MPP7: variants seen among roughly 807,000 people sequenced by gnomAD.
The protein encoded by MPP7 is MAGUK p55 subfamily member 7.
In MPP7, 60 loss-of-function variants were observed where a neutral mutation model predicts 76.5. The ratio of observed to expected loss-of-function variants is 0.78; its 90% CI spans 0.64 to 0.97. The LOEUF (loss-of-function observed/expected upper bound fraction) is 0.97. Among genes scored for constraint, MPP7 ranks in the 50% least tolerant of loss-of-function variants. The probability of loss-of-function intolerance (pLI) is 0.00; values close to 1 mark genes in which losing one functional copy is unlikely to be tolerated. For synonymous variants in MPP7, 237 were observed against 244.5 expected (o/e 0.97, Z 0.29); for missense variants, 641 against 694.0 (o/e 0.92, Z 0.86).
chr10:28,271,336 T>A (rs1589012249), intron 1 of MPP7, among the ~76,000 whole-genome samples: 1 of 152,298 alleles, frequency 6.6e-6, no homozygotes, highest in African/African-American at 2.4e-5. Flanking sequence ...TATCACAGGA[T>A]TTTTGGAGTA....
intron 1 of MPP7, among the ~76,000 whole-genome samples, chr10:28,284,465 G>T (rs1840750079): frequency 6.6e-6 from 1 of 152,182 alleles, no homozygotes. Context: ...AGCCAGTGAA[G>T]TCTGCAGCTG....
chr10:28,102,174 G>T (rs926328896), intron 11 of MPP7, among the ~76,000 whole-genome samples: 1 of 151,988 alleles, frequency 6.6e-6, no homozygotes, highest in Non-Finnish European at 1.5e-5. Context: ...AAGAGATAGG[G>T]TTTTGCTCTG....
intron 12 of MPP7, among the ~76,000 whole-genome samples, chr10:28,073,026 G>A (rs1156507200): frequency 2.0e-5 from 3 of 152,108 alleles, no homozygotes; most frequent in Non-Finnish European, 4.4e-5. Flanking sequence ...GTAACATCAC[G>A]CATTCCTGGT....
intron 3 of MPP7, among the ~76,000 whole-genome samples, chr10:28,165,621 A>G (rs1032212327): frequency 1.3e-5 from 2 of 152,168 alleles, no homozygotes; most frequent in Admixed American, 6.5e-5. Flanking sequence ...GGCAGCCATG[A>G]TAAGTTCATC....
intron 2 of MPP7, among the ~76,000 whole-genome samples, chr10:28,321,948 CGTGTGTGTGTGTGTGTGTGTGTGT>C (rs3064171): frequency 5.5e-4 from 79 of 143,460 alleles, no homozygotes; most frequent in African/African-American, 1.9e-3. Context: ...TTTTTGTAGA[CGTGTGTGTGTGTGTGTGTGTGTGT>C]GTGTGTGTGT....
intron 12 of MPP7, among the ~76,000 whole-genome samples, chr10:28,083,776 G>A (rs940975151): frequency 2.0e-5 from 3 of 152,068 alleles, no homozygotes; most frequent in South Asian, 2.1e-4. Flanking sequence ...GACCTCAAGT[G>A]ATCTGCCTGC....
At chr10:28,088,410 A>T (rs765089781) in intron 12 of MPP7, among the ~76,000 whole-genome samples, 7 of 151,814 alleles carry the variant, frequency 4.6e-5, no homozygotes, top group Admixed American at 1.3e-4. Context: ...TTCTCAGGAG[A>T]TCTGATGGTT....
intron 2 of MPP7, among the ~76,000 whole-genome samples, chr10:28,222,061 C>G (rs1268586457): frequency 1.3e-5 from 2 of 152,038 alleles, no homozygotes; most frequent in African/African-American, 4.8e-5. Context: ...TATTCACAAA[C>G]AGAAAAGACT....
intron 3 of MPP7, among the ~76,000 whole-genome samples, chr10:28,188,873 C>T (rs2133937603): frequency 6.6e-6 from 1 of 151,984 alleles, no homozygotes; most frequent in South Asian, 2.1e-4. Context: ...TGGAATTACA[C>T]TTCAAAAGTG....
At chr10:28,321,318 CAT>C (rs1284088088) in intron 2 of MPP7, among the ~76,000 whole-genome samples, 1 of 152,140 alleles carries the variant, frequency 6.6e-6, no homozygotes, top group Non-Finnish European at 1.5e-5. Context: ...TAAATTGTTC[CAT>C]GTTAAGTAAC....
At chr10:28,063,037 T>TC (rs1851854956) in intron 13 of MPP7, among the ~76,000 whole-genome samples, 2 of 151,118 alleles carry the variant, frequency 1.3e-5, no homozygotes, top group East Asian at 3.9e-4. Flanking sequence ...AAAGACACCA[T>TC]TAAAAAAAAA....
At chr10:28,149,923 T>A in intron 4 of MPP7, 59 bp downstream of exon 4, 3 of 1,348,832 alleles carry the variant, frequency 2.2e-6, no homozygotes, top group Non-Finnish European at 3.2e-6. Context: ...TAGGACAGGT[T>A]CTGCCTGGGC....
At chr10:28,178,421 C>T (rs55832820) in intron 3 of MPP7, among the ~76,000 whole-genome samples, 2,861 of 151,442 alleles carry the variant, frequency 0.019, 38 homozygotes, top group Non-Finnish European at 0.028. Flanking sequence ...GAGGAAAGCC[C>T]CCACAGGATA....
chr10:28,185,898 C>G (rs989439402), intron 3 of MPP7, among the ~76,000 whole-genome samples: 1 of 152,110 alleles, frequency 6.6e-6, no homozygotes, highest in South Asian at 2.1e-4. Flanking sequence ...ATGTGTATTC[C>G]TGTATACCTT....
chr10:28,084,942 G>C (rs531917176), intron 12 of MPP7, among the ~76,000 whole-genome samples: 1 of 152,250 alleles, frequency 6.6e-6, no homozygotes, highest in East Asian at 1.9e-4. Context: ...AACTGACCTA[G>C]GGAGACCTAC....
intron 1 of MPP7, among the ~76,000 whole-genome samples, chr10:28,272,742 A>G (rs887042811): frequency 6.6e-5 from 10 of 152,126 alleles, no homozygotes; most frequent in African/African-American, 2.4e-4. Flanking sequence ...AAAAAAAAAG[A>G]AATGGAACAG....
chr10:28,307,036 G>C (rs1015976656), upstream of MPP7, among the ~76,000 whole-genome samples: 2 of 152,158 alleles, frequency 1.3e-5, no homozygotes, highest in African/African-American at 4.8e-5. Flanking sequence ...GGGGCTGCAG[G>C]GGACCAGTAT....
chr10:28,269,873 T>C (rs151041719), intron 1 of MPP7, among the ~76,000 whole-genome samples: 1 of 152,092 alleles, frequency 6.6e-6, no homozygotes, highest in East Asian at 1.9e-4. Context: ...CTTCAAACTT[T>C]GATGAACAGA....
In MPP7 at chr10:28,135,157, G is replaced by A. The variant is rs190323858; in HGVS notation, c.316-3466C>T. Among the ~76,000 whole-genome samples the A allele has an allele frequency of 3.6e-4, 55 of 152,232 alleles. 2 individuals are homozygous for A. In the East Asian group the frequency reaches 0.01, roughly 28 times the overall value. On this transcript the variant is annotated intron_variant, in intron 5 of 16. Transcript: ENST00000683449. ...GCCTAGAGTTTCCAGGCTGTGATGGGGAAAAAGAAACACAGGCAAAACTCA... is the reference window on the plus strand; with the variant it reads ...GCCTAGAGTTTCCAGGCTGTGATGGAGAAAAAGAAACACAGGCAAAACTCA...
Sources: allele counts gnomAD v4.1 joint callset (sites outside exome capture counted in the v4.1 genomes callset), GRCh38; gene constraint gnomAD v4.1.1; transcripts MANE v1.5; gene names NCBI Gene and HGNC (gene_info 2026-07-23, HGNC 2026-07-21).